The following MAP3K9 variants were observed in gnomAD, a reference collection of about 807,000 sequenced individuals.
The protein encoded by MAP3K9 is mixed lineage kinase 1 (tyr and ser/thr specificity).
Under a neutral mutation model 95.8 loss-of-function variants are expected in MAP3K9, and 46 were observed. That is an observed-to-expected ratio of 0.48 (90% CI 0.38 to 0.61). The LOEUF (loss-of-function observed/expected upper bound fraction) is 0.61. Ranked by LOEUF, MAP3K9 falls within the 20% of genes least tolerant of loss-of-function variation. The pLI, the probability that MAP3K9 is intolerant of heterozygous loss-of-function variation, is 0.00. For synonymous variants in MAP3K9, 533 were observed against 593.8 expected, an observed-to-expected ratio of 0.90 and a Z score of 1.49; for missense variants, 1,296 against 1,474.3, an observed-to-expected ratio of 0.88 and a Z score of 1.98.
intron 2 of MAP3K9, among the ~76,000 whole-genome samples, chr14:70,795,166 T>C (rs1436372256): frequency 6.6e-6 from 1 of 151,608 alleles, no homozygotes; most frequent in Non-Finnish European, 1.5e-5. Flanking sequence ...GCTATTTTTT[T>C]TGTTTGTTCT....
In MAP3K9 at chr14:70,725,212, A is replaced by C. The variant is rs1414979444; in HGVS notation, c.*5168T>G. ...GTAAGAATCAGGAAGGACCAGTCCC[A>C]CCGGCTCCTGATCATGGAGTGAGCC... is the stretch of plus-strand genomic sequence containing the variant. On this transcript the variant is annotated 3_prime_UTR_variant, in exon 12 of 12. Transcript: ENST00000554752. The C allele has an allele frequency of 1.3e-5, 2 of 152,338 alleles. No individual in the cohort carries two copies. The highest frequency in any genetic ancestry group is 3.9e-4 in the East Asian group (2 of 5,190). The allele number at this position is 152,338 out of a possible 1,614,324, so 9.4% of individuals were successfully genotyped here.
chr14:70,758,876 C>T lies in MAP3K9; in HGVS notation c.1001+2126G>A, dbSNP rs2054332345. On this transcript the variant is annotated intron_variant, in intron 3 of 11. Coordinates refer to ENST00000554752, the MANE Select transcript of MAP3K9 (RefSeq NM_001284230.2). ...CTCCTGGGTTCAAGCGATTCTCCTGCCTCAGTCTCCCGAGTAGCTGGGATT... is the reference window on the plus strand; with the variant it reads ...CTCCTGGGTTCAAGCGATTCTCCTGTCTCAGTCTCCCGAGTAGCTGGGATT... 1.3e-5 allele frequency among the ~76,000 whole-genome samples: 2 copies of T among 152,048 alleles called. 1 individual carries two copies. The highest frequency in any genetic ancestry group is 4.1e-4 in the South Asian group (2 of 4,822).
intron 3 of MAP3K9, among the ~76,000 whole-genome samples, chr14:70,754,328 G>A (rs1194606482): frequency 6.6e-6 from 1 of 152,132 alleles, no homozygotes; most frequent in Admixed American, 6.5e-5. Flanking sequence ...TCCCACTAGG[G>A]ATAGGCAGAT....
At chr14:70,749,757 C>T in intron 4 of MAP3K9, 176 bp downstream of exon 4, 1 of 642,324 alleles carries the variant, frequency 1.6e-6, no homozygotes, top group Non-Finnish European at 2.6e-6. Flanking sequence ...CTGCTTGCAG[C>T]AGGGTGTGGA....
At chr14:70,778,880 G>A (rs187983600) in intron 2 of MAP3K9, among the ~76,000 whole-genome samples, 4 of 152,242 alleles carry the variant, frequency 2.6e-5, no homozygotes, top group Admixed American at 1.3e-4. Context: ...ACCCTACCCC[G>A]TCCACCCATC....
intron 2 of MAP3K9, among the ~76,000 whole-genome samples, chr14:70,774,613 G>A (rs946128730): frequency 2.0e-5 from 3 of 151,942 alleles, no homozygotes; most frequent in Admixed American, 1.3e-4. Context: ...CCTCTGCAGT[G>A]AGCCAAGATC....
chr14:70,808,729 C>A, intron 1 of MAP3K9, 37 bp downstream of exon 1: 2 of 1,283,612 alleles, frequency 1.6e-6, no homozygotes, highest in South Asian at 1.5e-5. Context: ...AGGCCTCCGT[C>A]ATTCCCCCTC....
intron 2 of MAP3K9, among the ~76,000 whole-genome samples, chr14:70,797,863 C>T (rs144084974): frequency 7.2e-5 from 11 of 152,264 alleles, no homozygotes; most frequent in South Asian, 6.2e-4. Flanking sequence ...CACAGACAAA[C>T]GTCAAAGTGC....
At position 70,793,149 on chromosome 14, in the gene MAP3K9, C is replaced by T. The variant is rs76311102; in HGVS notation, c.820+7518G>A. On this transcript the variant is annotated intron_variant, in intron 2 of 11. Coordinates refer to ENST00000554752, the MANE Select transcript of MAP3K9 (RefSeq NM_001284230.2). ...AACAGACTGGGAGTAGACCCGACAGCACCGGGCAGTGGTCGGCTCCAGCAG... is the reference window on the plus strand; with the variant it reads ...AACAGACTGGGAGTAGACCCGACAGTACCGGGCAGTGGTCGGCTCCAGCAG... Among the ~76,000 whole-genome samples the T allele has an allele frequency of 1.7e-3, 259 of 152,346 alleles. 2 individuals are homozygous for T. The highest frequency in any genetic ancestry group is 0.015 in the East Asian group (80 of 5,190).
Position 70,800,848 on chromosome 14 carries a change from C to G in MAP3K9, c.639G>C (p.Glu213Asp). 6.2e-7 allele frequency: 1 copy of G among 1,614,172 alleles called. No homozygotes were observed. The highest frequency in any genetic ancestry group is 8.5e-7 in the Non-Finnish European group (1 of 1,180,024). Reference protein sequence around the residue: ...IIALRGVCLKEPNLCLVMEFA... With the variant: ...IIALRGVCLKDPNLCLVMEFA... The stretch of plus-strand genomic sequence containing the variant: ...ACTCCATGACCAAGCAGAGGTTGGG[C>G]TCCTTCAGACATACCCCTCTTAGGG... Residue 213 changes from glutamate (E) to aspartate (D), a missense_variant, in exon 2 of 12, where the codon GAG becomes GAC. Glu to Asp is a conservative substitution (Grantham distance 45). Transcript: ENST00000554752.
intron 3 of MAP3K9, among the ~76,000 whole-genome samples, chr14:70,760,761 G>A (rs1223392003): frequency 6.6e-6 from 1 of 152,122 alleles, no homozygotes; most frequent in Non-Finnish European, 1.5e-5. Context: ...CCTTTCCTAG[G>A]GAGCAATCAC....
At chr14:70,756,178 C>T (rs1474960270) in intron 3 of MAP3K9, among the ~76,000 whole-genome samples, 1 of 152,124 alleles carries the variant, frequency 6.6e-6, no homozygotes, top group Admixed American at 6.5e-5. Context: ...TTTCTGTCAT[C>T]CTGAGAAGAC....
intron 3 of MAP3K9, among the ~76,000 whole-genome samples, chr14:70,756,701 G>A (rs1471419911): frequency 2.0e-5 from 3 of 152,138 alleles, no homozygotes; most frequent in Non-Finnish European, 4.4e-5. Flanking sequence ...TAACCATTCG[G>A]TCAAGGTCAA....
intron 5 of MAP3K9, among the ~76,000 whole-genome samples, chr14:70,744,391 C>A (rs1406108423): frequency 6.6e-6 from 1 of 151,882 alleles, no homozygotes; most frequent in African/African-American, 2.4e-5. Context: ...AAAGCAGAGC[C>A]AACTTAATCC....
chr14:70,805,286 T>C (rs1421193142), intron 1 of MAP3K9, among the ~76,000 whole-genome samples: 1 of 152,244 alleles, frequency 6.6e-6, no homozygotes, highest in Non-Finnish European at 1.5e-5. Flanking sequence ...CTTCTATTTC[T>C]AGTGGATGTA....
At chr14:70,754,718 G>A (rs1246042466) in intron 3 of MAP3K9, among the ~76,000 whole-genome samples, 5 of 152,028 alleles carry the variant, frequency 3.3e-5, no homozygotes, top group South Asian at 2.1e-4. Flanking sequence ...TGATCTGCCC[G>A]CCTCAGCCTC....
Position 70,732,921 on chromosome 14 carries a change from G to A in MAP3K9, c.2448C>T (p.Phe816=). The change falls in exon 11 of 12, where the codon TTC becomes TTT. Residue 816 remains phenylalanine, a synonymous_variant. Transcript: ENST00000554752. The stretch of plus-strand genomic sequence containing the variant: ...GCAACAGCATGGGCTCCTCCTTCTT[G>A]AAAAGCTTTCGGGATGGGGGGCTGG... ...RSTSPPSRKL[F]KKEEPMLLLG... is the part of the protein sequence containing the mutation. The A allele has an allele frequency of 6.2e-7, 1 of 1,613,986 alleles. No individual in the cohort carries two copies. The highest frequency in any genetic ancestry group is 1.7e-4 in the Middle Eastern group (1 of 6,060).
intron 1 of MAP3K9, among the ~76,000 whole-genome samples, chr14:70,804,898 G>C (rs1364769003): frequency 1.3e-5 from 2 of 152,088 alleles, no homozygotes; most frequent in Non-Finnish European, 2.9e-5. Context: ...ATAAAAGACA[G>C]AACCCAGAAA....
chr14:70,736,048 A>G lies in MAP3K9; in HGVS notation c.1845-19T>C, dbSNP rs747547527. The G allele has an allele frequency of 6.4e-7, 1 of 1,573,924 alleles. No individual in the cohort carries two copies. Among genetic ancestry groups the G allele is most frequent in the Non-Finnish European group, 8.7e-7 (1 of 1,143,404 alleles). ...AGGGGATCTTCAATGAATAAAGAGA[A>G]TCAGTAGCAGGCAATGGAGGGCACA... On this transcript the variant is annotated intron_variant, in intron 8 of 11. Transcript: ENST00000554752.
Sources: allele counts gnomAD v4.1 joint callset (sites outside exome capture counted in the v4.1 genomes callset), GRCh38; gene constraint gnomAD v4.1.1; transcripts MANE v1.5; gene names NCBI Gene and HGNC (gene_info 2026-07-23, HGNC 2026-07-21).